CUL4B: variants seen among roughly 807,000 people sequenced by gnomAD.
The protein encoded by CUL4B is cullin-4B.
Under a neutral mutation model 69.2 loss-of-function variants are expected in CUL4B, and 1 was observed. That is an observed-to-expected ratio of 0.01 (90% CI 0.01 to 0.07). The LOEUF (loss-of-function observed/expected upper bound fraction) is 0.07. Ranked by LOEUF, CUL4B falls within the 10% of genes least tolerant of loss-of-function variation. The pLI is 1.00. For synonymous variants in CUL4B, 237 were observed against 223.2 expected (o/e 1.06, Z -0.55); for missense variants, 328 against 638.8 (o/e 0.51, Z 5.24).
intron 1 of CUL4B, chrX:120,574,682 G>A: frequency 1.1e-6 from 1 of 898,822 alleles, no homozygotes; most frequent in Non-Finnish European, 1.6e-6. Context: ...TCCCATATCT[G>A]TATAGTGTTA....
At chrX:120,542,474 CTAAA>C (rs1400060634) in intron 9 of CUL4B, among the ~76,000 whole-genome samples, 4 of 111,789 alleles carry the variant, frequency 3.6e-5, no homozygotes, top group Non-Finnish European at 7.5e-5. Context: ...AGGGTATACT[CTAAA>C]TTCACTTGGG....
rs533285341 is a variant in CUL4B, at chrX:120,534,014, C to G, written c.2266+467G>C. On this transcript the variant is annotated intron_variant, in intron 17 of 19. Transcript: ENST00000371322. Reference sequence around the variant, plus strand: ...ACAGGAGGCAGAGGTTGCAGTGAGCCGAGATCGCGCCACTGCACTCCAGCC... The same window carrying G: ...ACAGGAGGCAGAGGTTGCAGTGAGCGGAGATCGCGCCACTGCACTCCAGCC... 5.1e-4 allele frequency among the ~76,000 whole-genome samples: 56 copies of G among 109,803 alleles called. No individual in the cohort carries two copies. In the South Asian group the frequency reaches 5.5e-3, roughly 11 times the overall value.
chrX:120,564,605 C>CA (rs1033216450), upstream of CUL4B, among the ~76,000 whole-genome samples: 28 of 107,807 alleles, frequency 2.6e-4, no homozygotes, highest in Admixed American at 1.9e-3. Context: ...GAGTCTGTCT[C>CA]AAAAAAAAAC....
rs192860595 is a variant in CUL4B at position 120,546,628 on chromosome X, G to A, written c.777-12C>T. 7.2e-4 allele frequency: 817 copies of A among 1,142,428 alleles called. 4 individuals carry two copies. In the African/African-American group the frequency reaches 0.013, roughly 19 times the overall value. The allele number at this position is 1,142,428 out of a possible 1,213,427, so 94.1% of individuals were successfully genotyped here. A position where few individuals can be genotyped will look rare whatever the true frequency, so the allele number is the denominator to read the frequency against. On this transcript the variant is annotated splice_polypyrimidine_tract_variant and intron_variant, in intron 3 of 19. Transcript: ENST00000371322. ...TATCCAATGAATCCCTGAAACATAT[G>A]TTAAGGATATTTTAAAGCGTTTGGT...
upstream of CUL4B, among the ~76,000 whole-genome samples, chrX:120,565,180 T>C (rs1569397891): frequency 9.1e-6 from 1 of 110,496 alleles, no homozygotes; most frequent in Non-Finnish European, 1.9e-5. Context: ...CATACAGTTA[T>C]AGCCATCTGG....
chrX:120,565,351 CACAA>C (rs768500892), upstream of CUL4B, among the ~76,000 whole-genome samples: 387 of 109,379 alleles, frequency 3.5e-3, 3 homozygotes, highest in Middle Eastern at 0.024. Flanking sequence ...ATTAAAAAAA[CACAA>C]ACAACAACAA....
chrX:120,559,674 T>C, intron 1 of CUL4B: 2 of 507,514 alleles, frequency 3.9e-6, no homozygotes, highest in East Asian at 8.9e-5. Context: ...TTTCTAGGCA[T>C]TGGATAATGT....
intron 5 of CUL4B, 74 bp from the exon 6 acceptor site, chrX:120,544,717 C>T: frequency 1.1e-6 from 1 of 882,063 alleles, no homozygotes; most frequent in East Asian, 3.1e-5. Flanking sequence ...AACTTCTTAC[C>T]ACATGTTCCC....
chrX:120,566,018 G>T (rs1433880679), upstream of CUL4B, among the ~76,000 whole-genome samples: 1 of 108,555 alleles, frequency 9.2e-6, no homozygotes, highest in Non-Finnish European at 1.9e-5. Context: ...GTGAGCCACC[G>T]CGCCCGGCCC....
chrX:120,572,767 T>C (rs1182405406), intron 2 of CUL4B, among the ~76,000 whole-genome samples: 1 of 111,838 alleles, frequency 8.9e-6, no homozygotes, highest in Non-Finnish European at 1.9e-5. Context: ...TCACTATTTT[T>C]AAGGGCAACA....
At chrX:120,550,634 G>A (rs1924632955) in intron 2 of CUL4B, among the ~76,000 whole-genome samples, 1 of 112,068 alleles carries the variant, frequency 8.9e-6, no homozygotes, top group Admixed American at 9.5e-5. Flanking sequence ...GTGTTTGGCT[G>A]GAGGGTGGTT....
chrX:120,545,577 G>T lies in CUL4B; in HGVS notation c.847-60C>A, dbSNP rs1924265400. 4.9e-6 allele frequency: 4 copies of T among 811,405 alleles called. No individual in the cohort carries two copies. The African/African-American group carries it at 6.2e-5, about 13-fold the overall frequency. The allele number at this position is 811,405 out of a possible 1,213,427, so 66.9% of individuals were successfully genotyped here. A position where few individuals can be genotyped will look rare whatever the true frequency, so the allele number is the denominator to read the frequency against. On this transcript the variant is annotated intron_variant, in intron 4 of 19. Transcript: ENST00000371322. ...TGTATGTTGTGAAGCTGAAATATTTGCTTTCAATAAGAATAAAACTGAAGA... is the reference window on the plus strand; with the variant it reads ...TGTATGTTGTGAAGCTGAAATATTTTCTTTCAATAAGAATAAAACTGAAGA...
At chrX:120,551,452 C>T in intron 2 of CUL4B, among the ~76,000 whole-genome samples, 1 of 111,042 alleles carries the variant, frequency 9.0e-6, no homozygotes. Context: ...CTGTTCACCT[C>T]AGCCTCCCAA....
At chrX:120,566,627 C>T (rs937626509), downstream of CUL4B, among the ~76,000 whole-genome samples, 11 of 107,509 alleles carry the variant, frequency 1.0e-4, no homozygotes, top group Non-Finnish European at 1.7e-4. Context: ...GAACTCCCAA[C>T]CTCAGGTGAT....
At chrX:120,554,337 G>C (rs1297341544) in intron 2 of CUL4B, among the ~76,000 whole-genome samples, 2 of 111,813 alleles carry the variant, frequency 1.8e-5, no homozygotes, top group Non-Finnish European at 3.8e-5. Flanking sequence ...TGTAACCTAA[G>C]GCAGGCTGGA....
chrX:120,550,754 C>A (rs1431973738), intron 2 of CUL4B, among the ~76,000 whole-genome samples: 1 of 111,547 alleles, frequency 9.0e-6, no homozygotes, highest in Non-Finnish European at 1.9e-5. Flanking sequence ...AACCTATAGA[C>A]CGGATCTAGT....
At chrX:120,538,818 T>C (rs771007831) in intron 12 of CUL4B, 48 bp from the exon 13 acceptor site, 1 of 829,038 alleles carries the variant, frequency 1.2e-6, no homozygotes, top group South Asian at 2.1e-5. Flanking sequence ...TAAAAAGTAC[T>C]GACAAAACTG....
chrX:120,544,758 AGC>A, intron 5 of CUL4B, 115 bp from the exon 6 acceptor site: 1 of 553,595 alleles, frequency 1.8e-6, no homozygotes, highest in South Asian at 3.0e-5. Context: ...GCTTTGAAGC[AGC>A]AATTGTCAAA....
rs1379343211 is a variant in CUL4B at position 120,546,609 on chromosome X, A to G, written c.784T>C (p.Leu262=). ...TTCTTTAAAAAAAGAACGCTATCCA[A>G]TGAATCCCTGAAACATATGTTAAGG... ...AQIHQFREDS[L]DSVLFLKKID... The change falls in exon 4 of 20, where the codon TTG becomes CTG. Residue 262 remains leucine, a synonymous_variant. Coordinates refer to ENST00000371322, the MANE Select transcript of CUL4B (RefSeq NM_001079872.2). 8.4e-7 allele frequency: 1 copy of G among 1,184,490 alleles called. No homozygotes were observed. The highest frequency in any genetic ancestry group is 1.8e-5 in the South Asian group (1 of 56,120).
Sources: gnomAD v4.1 joint callset for allele counts (sites outside exome capture counted in the v4.1 genomes callset) on GRCh38, gnomAD v4.1.1 for gene constraint, MANE v1.5 for transcripts, NCBI Gene and HGNC (gene_info 2026-07-23, HGNC 2026-07-21) for gene names.